The following GUCD1 variants were observed in gnomAD, a reference collection of about 807,000 sequenced individuals.
The protein encoded by GUCD1 is protein GUCD1.
GUCD1 carries 17 observed loss-of-function variants against 28.3 expected under a neutral mutation model. That is an observed-to-expected ratio of 0.60 (90% confidence interval 0.41 to 0.90). GUCD1 has a LOEUF of 0.90. Among genes scored for constraint, GUCD1 ranks in the 40% least tolerant of loss-of-function variants. The pLI is 0.00. For synonymous variants in GUCD1, 129 were observed against 123.3 expected (o/e 1.05, Z -0.30); for missense variants, 279 against 305.5 (o/e 0.91, Z 0.65).
rs16978644 is a variant in GUCD1 at position 24,541,659 on chromosome 22, G to C, written c.*1347C>G. On this transcript the variant is annotated 3_prime_UTR_variant, in exon 6 of 6. Transcript: ENST00000435822. ...AAAAAAAAAAAATCCATTTCCTTTA[G>C]TTTTTTAGGTGCAGACTGGGGTTCA... is the stretch of plus-strand genomic sequence containing the variant. The C allele has an allele frequency of 6.6e-6, 1 of 151,324 alleles. No homozygotes were observed. Among genetic ancestry groups the C allele is most frequent in the African/African-American group, 2.4e-5 (1 of 41,206 alleles). The allele number at this position is 151,324 out of a possible 1,614,324, so 9.4% of individuals were successfully genotyped here. A position where few individuals can be genotyped will look rare whatever the true frequency, so the allele number is the denominator to read the frequency against.
chr22:24,555,755 G>A, upstream of GUCD1: 1 of 1,550,596 alleles, frequency 6.4e-7, no homozygotes, highest in South Asian at 1.2e-5. Context: ...GGGGTGCTTG[G>A]AAGTGTGAGC....
intron 1 of GUCD1, among the ~76,000 whole-genome samples, chr22:24,553,106 C>G (rs2044926775): frequency 6.6e-6 from 1 of 152,244 alleles, no homozygotes; most frequent in Non-Finnish European, 1.5e-5. Flanking sequence ...TGTGCTGTCA[C>G]GGTGAATGCC....
chr22:24,554,502 T>C (rs969399847), intron 1 of GUCD1, among the ~76,000 whole-genome samples: 2 of 152,204 alleles, frequency 1.3e-5, no homozygotes, highest in East Asian at 1.9e-4. Flanking sequence ...GGCCAAGACA[T>C]TGAATACCAG....
chr22:24,544,045 T>C lies in GUCD1; in HGVS notation c.425A>G (p.Gln142Arg). The C allele has an allele frequency of 6.2e-7, 1 of 1,611,482 alleles. No homozygotes were observed. Among genetic ancestry groups the C allele is most frequent in the South Asian group, 1.1e-5 (1 of 91,038 alleles). The change falls in exon 5 of 6, where the codon CAG becomes CGG. Residue 142 changes from glutamine to arginine, a missense_variant. By Grantham distance (43) the Gln-to-Arg change is conservative. Coordinates refer to ENST00000435822, the MANE Select transcript of GUCD1 (RefSeq NM_001284254.2). ...CACCAGCACGATGGCCACATGGCCC[T>C]GAGCCAGGTGCGCCTGGATGTCCTT... is the stretch of plus-strand genomic sequence containing the variant. ...SVKDIQAHLA[Q>R]GHVAIVLVNS...
chr22:24,554,956 G>A lies in GUCD1; in HGVS notation c.36C>T (p.Leu12=), dbSNP rs148896371. Residue 12 remains leucine, a synonymous_variant, in exon 1 of 6, where the codon CTC becomes CTT. Coordinates refer to ENST00000435822, the MANE Select transcript of GUCD1 (RefSeq NM_001284254.2). ...RTEAEAAGPP[L]EPGDFVQLPV... is the part of the protein sequence containing the mutation. ...CCACAGAGAGGCACTGACCGGGCTC[G>A]AGCGGCGGCCCCGCTGCCTCCGCCT... is the stretch of plus-strand genomic sequence containing the variant. The A allele has an allele frequency of 3.1e-4, 488 of 1,569,480 alleles. 3 individuals are homozygous for A. The African/African-American group carries it at 5.8e-3, about 19-fold the overall frequency.
At chr22:24,555,406 G>T, upstream of GUCD1, 1 of 1,229,974 alleles carries the variant, frequency 8.1e-7, no homozygotes, top group Non-Finnish European at 1.1e-6. Flanking sequence ...CTGAATAGAG[G>T]CTCGTCCCTT....
At chr22:24,546,395 C>G (rs1255985995) in intron 4 of GUCD1, among the ~76,000 whole-genome samples, 3 of 152,196 alleles carry the variant, frequency 2.0e-5, no homozygotes, top group Non-Finnish European at 4.4e-5. Flanking sequence ...GAGCCCCACT[C>G]CCACGTAGCC....
intron 4 of GUCD1, among the ~76,000 whole-genome samples, chr22:24,546,483 G>C (rs530016860): frequency 8.3e-4 from 127 of 152,160 alleles, no homozygotes; most frequent in Non-Finnish European, 1.6e-3. Flanking sequence ...ATACAGATGA[G>C]AAGAGGAGGC....
rs921873522 is a variant in GUCD1 at position 24,540,563 on chromosome 22, A to G, written c.*2443T>C. 6.6e-6 allele frequency: 1 copy of G among 152,230 alleles called. No homozygotes were observed. Among genetic ancestry groups the G allele is most frequent in the African/African-American group, 2.4e-5 (1 of 41,460 alleles). 9.4% of individuals were successfully genotyped at this position (152,230 alleles called of 1,614,324 possible). A position where few individuals can be genotyped will look rare whatever the true frequency, so the allele number is the denominator to read the frequency against. On this transcript the variant is annotated 3_prime_UTR_variant, in exon 6 of 6. Transcript: ENST00000435822. The stretch of plus-strand genomic sequence containing the variant: ...AATGAACAAAGCCCAACTGTCCCAC[A>G]TGGCTTCAGGTGCTGTGCTGGTCCC...
At chr22:24,546,183 G>A (rs1030952096) in intron 4 of GUCD1, among the ~76,000 whole-genome samples, 5 of 151,294 alleles carry the variant, frequency 3.3e-5, no homozygotes, top group African/African-American at 1.2e-4. Context: ...GGATGGTCTC[G>A]ATCTCCTGAC....
chr22:24,546,852 C>A, intron 4 of GUCD1, 62 bp downstream of exon 4: 2 of 1,434,006 alleles, frequency 1.4e-6, no homozygotes, highest in South Asian at 2.3e-5. Flanking sequence ...GGCCTCCCCA[C>A]TGCAGATCTG....
In GUCD1 at chr22:24,548,845, C is replaced by T. The variant is rs181521384; in HGVS notation, c.128+72G>A. The stretch of plus-strand genomic sequence containing the variant: ...AGCTACATGGACCATGGATCCCACC[C>T]AGGTCTCTCCCAAGCCAGAGCAGAA... On this transcript the variant is annotated intron_variant, in intron 2 of 5. Transcript: ENST00000435822. 1.8e-4 allele frequency: 215 copies of T among 1,164,064 alleles called. 1 individual carries two copies. In the African/African-American group the frequency reaches 2.9e-3, roughly 16 times the overall value. 72.1% of individuals were successfully genotyped at this position (1,164,064 alleles called of 1,614,324 possible). A position where few individuals can be genotyped will look rare whatever the true frequency, so the allele number is the denominator to read the frequency against.
At position 24,552,446 on chromosome 22, in the gene GUCD1, T is replaced by C. The variant is rs115823596; in HGVS notation, c.43+2503A>G. ...TCAGTTGCTGGTGTTGAATGTTTAA[T>C]AGTAACTCAATAAATATTTGCTGGA... is the stretch of plus-strand genomic sequence containing the variant. On this transcript the variant is annotated intron_variant, in intron 1 of 5. Transcript: ENST00000435822. 7.3e-3 allele frequency among the ~76,000 whole-genome samples: 1,119 copies of C among 152,332 alleles called. 18 individuals are homozygous for C. Among genetic ancestry groups the C allele is most frequent in the African/African-American group, 0.026 (1,072 of 41,562 alleles).
At chr22:24,546,571 T>C (rs992243032) in intron 4 of GUCD1, among the ~76,000 whole-genome samples, 1 of 152,184 alleles carries the variant, frequency 6.6e-6, no homozygotes, top group African/African-American at 2.4e-5. Context: ...CACCAGCACA[T>C]TCCTCTTAGG....
intron 1 of GUCD1, 110 bp downstream of exon 1, chr22:24,554,839 G>A: frequency 1.3e-6 from 1 of 780,740 alleles, no homozygotes; most frequent in South Asian, 1.6e-5. Context: ...GGCGGGTGTG[G>A]GGGCGAGGCG....
At chr22:24,544,181 G>A in intron 4 of GUCD1, 98 bp from the exon 5 acceptor site, 1 of 1,506,628 alleles carries the variant, frequency 6.6e-7, no homozygotes, top group South Asian at 1.3e-5. Flanking sequence ...TACAAAGCTT[G>A]GGGATCGGCT....
intron 4 of GUCD1, among the ~76,000 whole-genome samples, chr22:24,545,458 A>G (rs946405853): frequency 6.6e-6 from 1 of 151,736 alleles, no homozygotes; most frequent in African/African-American, 2.4e-5. Flanking sequence ...TCTCCTCCTC[A>G]GTTTCCTCCC....
intron 5 of GUCD1, 118 bp from the exon 6 acceptor site, chr22:24,543,215 TCTCAA>T (rs2044638148): frequency 6.8e-6 from 5 of 733,766 alleles, no homozygotes; most frequent in Middle Eastern, 3.3e-4. Context: ...TGGCCATTCC[TCTCAA>T]CTCAAGTCCT....
Position 24,543,714 on chromosome 22 carries a change from G to A in GUCD1, c.628+128C>T, listed in dbSNP as rs371822122. ...TGACAAGAGCCCAGGAGGAGCAGGGGCTTTGGGGAAAAGGTAGGGAGGGAG... is the reference window on the plus strand; with the variant it reads ...TGACAAGAGCCCAGGAGGAGCAGGGACTTTGGGGAAAAGGTAGGGAGGGAG... On this transcript the variant is annotated intron_variant, in intron 5 of 5. Coordinates refer to ENST00000435822, the MANE Select transcript of GUCD1 (RefSeq NM_001284254.2). 5.1e-5 allele frequency: 62 copies of A among 1,216,908 alleles called. No homozygotes were observed. In the East Asian group the frequency reaches 7.8e-4, roughly 15 times the overall value. The allele number at this position is 1,216,908 out of a possible 1,614,324, so 75.4% of individuals were successfully genotyped here.
Sources: gnomAD v4.1 joint callset for allele counts (sites outside exome capture counted in the v4.1 genomes callset) on GRCh38, gnomAD v4.1.1 for gene constraint, MANE v1.5 for transcripts, NCBI Gene and HGNC (gene_info 2026-07-23, HGNC 2026-07-21) for gene names.